The following KIF23 variants were observed in gnomAD, a reference collection of about 807,000 sequenced individuals.
KIF23 encodes kinesin family member 23, also known as kinesin-like protein KIF23.
KIF23 carries 30 observed loss-of-function variants against 137.5 expected under a neutral mutation model. That is an observed-to-expected ratio of 0.22 (90% CI 0.16 to 0.30). The LOEUF is 0.30. KIF23 is among the 10% of genes least tolerant of loss of function. The probability of loss-of-function intolerance (pLI) is 1.00; values close to 1 mark genes in which losing one functional copy is unlikely to be tolerated. For missense variants in KIF23, 920 were observed against 1,194.3 expected (o/e 0.77, Z 3.38); for synonymous variants, 367 against 391.1 (o/e 0.94, Z 0.73).
chr15:69,447,900 A>T lies in KIF23; in HGVS notation c.*93A>T. On this transcript the variant is annotated 3_prime_UTR_variant, in exon 24 of 24. Coordinates refer to ENST00000679126, the MANE Select transcript of KIF23 (RefSeq NM_001367805.3). ...AGCAGTCTTCCAGGTCATCTTGTAG[A>T]ACTCCAGCTTTGTTGAAAATCACGG... The T allele has an allele frequency of 7.5e-7, 1 of 1,339,504 alleles. No homozygotes were observed. The highest frequency in any genetic ancestry group is 1.1e-6 in the Non-Finnish European group (1 of 939,032). The allele number at this position is 1,339,504 out of a possible 1,614,324, so 83.0% of individuals were successfully genotyped here. A position where few individuals can be genotyped will look rare whatever the true frequency, so the allele number is the denominator to read the frequency against.
chr15:69,426,530 C>T, intron 10 of KIF23, 73 bp downstream of exon 10: 1 of 1,520,168 alleles, frequency 6.6e-7, no homozygotes, highest in Non-Finnish European at 9.0e-7. Flanking sequence ...GTAATCCAGC[C>T]AACATGGCAA....
At position 69,447,750 on chromosome 15, in the gene KIF23, A is replaced by C. The variant is rs200070969; in HGVS notation, c.2910-42A>C. On this transcript the variant is annotated intron_variant, in intron 23 of 23. Coordinates refer to ENST00000679126, the MANE Select transcript of KIF23 (RefSeq NM_001367805.3). ...ATTGATTTGCTATGAATGTGTTACT[A>C]ATTGCAAAGTTCAACTCTAAGTGCT... 2.1e-4 allele frequency: 327 copies of C among 1,583,414 alleles called. 1 individual carries two copies. Among genetic ancestry groups the C allele is most frequent in the Admixed American group, 2.5e-4 (15 of 59,040 alleles).
chr15:69,426,403 C>A lies in KIF23; in HGVS notation c.957C>A (p.Phe319Leu). The change falls in exon 10 of 24, where the codon TTC becomes TTA. Residue 319 changes from phenylalanine (F) to leucine (L), a missense_variant. Physicochemically the swap from Phe to Leu is conservative, Grantham distance 22 (BLOSUM62 0). This residue lies in a region of KIF23 where 714 missense variants were observed against 866.2 expected (regional missense o/e 0.82). Coordinates refer to ENST00000679126, the MANE Select transcript of KIF23 (RefSeq NM_001367805.3). ...NRESSRSHSVFNIKLVQAPLD... is the reference protein window; with the variant it reads ...NRESSRSHSVLNIKLVQAPLD... Reference sequence around the variant, plus strand: ...AGTCCAGCCGTTCCCATAGCGTGTTCAACATTAAATTAGTTCAGGCTCCCT... The same window carrying A: ...AGTCCAGCCGTTCCCATAGCGTGTTAAACATTAAATTAGTTCAGGCTCCCT... The A allele has an allele frequency of 3.7e-6, 6 of 1,614,048 alleles. No individual in the cohort carries two copies. Among genetic ancestry groups the A allele is most frequent in the Non-Finnish European group, 5.1e-6 (6 of 1,179,948 alleles).
intron 2 of KIF23, among the ~76,000 whole-genome samples, chr15:69,416,902 TCATGCCATTG>T (rs2056926610): frequency 6.6e-6 from 1 of 152,106 alleles, no homozygotes; most frequent in South Asian, 2.1e-4. Context: ...TGAGCTGAGA[TCATGCCATTG>T]CACTCCAGCC....
Position 69,423,276 on chromosome 15 carries a change from T to C in KIF23, c.681T>C (p.Asn227=), listed in dbSNP as rs2057108323. Residue 227 remains asparagine, a synonymous_variant, in exon 7 of 24, where the codon AAT becomes AAC. Coordinates refer to ENST00000679126, the MANE Select transcript of KIF23 (RefSeq NM_001367805.3). The part of the protein sequence containing the change: ...GVFVSYIEIY[N]NYIYDLLEEV... Reference sequence around the variant, plus strand: ...TTGTCTCTTATATTGAAATATATAATAATTACATATATGATCTATTGGAAG... The same window carrying C: ...TTGTCTCTTATATTGAAATATATAACAATTACATATATGATCTATTGGAAG... 6.3e-7 allele frequency: 1 copy of C among 1,583,332 alleles called. No individual in the cohort carries two copies.
chr15:69,429,739 G>A (rs2057306698), intron 11 of KIF23, among the ~76,000 whole-genome samples: 1 of 152,156 alleles, frequency 6.6e-6, no homozygotes, highest in African/African-American at 2.4e-5. Context: ...TATTCAATTA[G>A]TCTGGGTGCG....
intron 23 of KIF23, among the ~76,000 whole-genome samples, chr15:69,447,284 AG>A (rs2057760822): frequency 6.6e-6 from 1 of 152,140 alleles, no homozygotes; most frequent in Non-Finnish European, 1.5e-5. Context: ...GAGACTAGAC[AG>A]CTTTGTGTAA....
chr15:69,416,152 G>A, intron 2 of KIF23, 89 bp downstream of exon 2: 1 of 783,584 alleles, frequency 1.3e-6, no homozygotes, highest in Non-Finnish European at 2.0e-6. Context: ...GGAAGGGAAA[G>A]AAGAAGACAT....
rs374916480 is a variant in KIF23 at position 69,426,421 on chromosome 15, G to A, written c.975G>A (p.Gln325=). 90 of 1,614,122 alleles carry A rather than the reference G, an allele frequency of 5.6e-5. No individual in the cohort carries two copies. In the Middle Eastern group the frequency reaches 6.6e-4, roughly 12 times the overall value. ...GCGTGTTCAACATTAAATTAGTTCA[G>A]GCTCCCTTGGATGCAGATGGAGACA... ...SHSVFNIKLV[Q]APLDADGDNV... Residue 325 remains glutamine (Q), a synonymous_variant, in exon 10 of 24, where the codon CAG becomes CAA. Coordinates refer to ENST00000679126, the MANE Select transcript of KIF23 (RefSeq NM_001367805.3).
rs998138397 is a variant in KIF23, at chr15:69,434,027, G to C, written c.1115-1456G>C. On this transcript the variant is annotated intron_variant, in intron 11 of 23. Transcript: ENST00000679126. ...AAATTGATTTAGTGGCTCTGGGATG[G>C]GCCACAGTAGTTTGGAAATTTTTAT... 3.9e-5 allele frequency among the ~76,000 whole-genome samples: 6 copies of C among 152,112 alleles called. 1 individual carries two copies. The South Asian group carries it at 1.2e-3, about 32-fold the overall frequency.
intron 10 of KIF23, chr15:69,427,518 A>T (rs553832279): frequency 2.2e-6 from 1 of 448,980 alleles, no homozygotes; most frequent in African/African-American, 2.0e-5. Flanking sequence ...AAATTCAGTT[A>T]GTGGTTTTAA....
At chr15:69,428,269 T>C (rs1196595021) in intron 10 of KIF23, among the ~76,000 whole-genome samples, 1 of 150,092 alleles carries the variant, frequency 6.7e-6, no homozygotes, top group East Asian at 2.0e-4. Context: ...AAAAAATGGT[T>C]ATAAGTCAGC....
intron 3 of KIF23, among the ~76,000 whole-genome samples, chr15:69,420,799 T>C (rs966912050): frequency 6.6e-6 from 1 of 152,192 alleles, no homozygotes; most frequent in Admixed American, 6.5e-5. Context: ...GTTTTTACTT[T>C]TAAAATTTTT....
intron 15 of KIF23, 38 bp downstream of exon 15, chr15:69,436,760 AT>A (rs72161188): frequency 0.11 from 105,616 of 972,994 alleles, 404 homozygotes; most frequent in East Asian, 0.23. Flanking sequence ...TTATTTAATT[AT>A]TTTTTTTTTT....
chr15:69,420,960 C>T (rs1050900600), intron 3 of KIF23, among the ~76,000 whole-genome samples: 1 of 152,152 alleles, frequency 6.6e-6, no homozygotes, highest in African/African-American at 2.4e-5. Context: ...AACTAGGAAA[C>T]AGTAAAGTTG....
intron 12 of KIF23, 31 bp downstream of exon 12, chr15:69,435,593 T>G: frequency 6.2e-7 from 1 of 1,613,208 alleles, no homozygotes; most frequent in Non-Finnish European, 8.5e-7. Flanking sequence ...TTCTTTTGTA[T>G]AGTTTCATTT....
At chr15:69,445,904 G>T in intron 20 of KIF23, 105 bp from the exon 21 acceptor site, 1 of 833,156 alleles carries the variant, frequency 1.2e-6, no homozygotes. Flanking sequence ...TTTTGTGGAT[G>T]GGAATTTCTA....
intron 10 of KIF23, among the ~76,000 whole-genome samples, chr15:69,428,289 G>A (rs2057257223): frequency 6.6e-6 from 1 of 151,698 alleles, no homozygotes; most frequent in South Asian, 2.1e-4. Context: ...CCTTCCATAT[G>A]CACCTGATTT....
chr15:69,445,118 T>G, intron 20 of KIF23, 77 bp downstream of exon 20: 1 of 1,356,198 alleles, frequency 7.4e-7, no homozygotes, highest in Non-Finnish European at 1.0e-6. Flanking sequence ...GCTACTCCTT[T>G]GGTGACACAC....
Sources: allele counts gnomAD v4.1 joint callset (sites outside exome capture counted in the v4.1 genomes callset), GRCh38; gene constraint gnomAD v4.1.1; regional missense constraint gnomAD v4.1.1; transcripts MANE v1.5; gene names NCBI Gene and HGNC (gene_info 2026-07-23, HGNC 2026-07-21).